TENM2: variants seen among roughly 807,000 people sequenced by gnomAD.
TENM2 encodes teneurin transmembrane protein 2.
In TENM2, 52 loss-of-function variants were observed where a neutral mutation model predicts 245.2. That is an observed-to-expected ratio of 0.21 (90% confidence interval 0.17 to 0.27). The LOEUF is 0.27. TENM2 is among the 10% of genes least tolerant of loss of function. The pLI is 1.00. For missense variants in TENM2, 3,046 were observed against 3,666.8 expected, an observed-to-expected ratio of 0.83 and a Z score of 4.37; for synonymous variants, 1,363 against 1,438.9, an observed-to-expected ratio of 0.95 and a Z score of 1.19.
chr5:167,850,400 G>A (rs1332575330), intron 2 of TENM2, among the ~76,000 whole-genome samples: 1 of 152,118 alleles, frequency 6.6e-6, no homozygotes, highest in African/African-American at 2.4e-5. Flanking sequence ...GTGAGGCTGT[G>A]GCAGAGTGGA....
the TENM2 span, among the ~76,000 whole-genome samples, chr5:167,169,970 G>A: frequency 6.6e-6 from 1 of 152,132 alleles, no homozygotes; most frequent in Non-Finnish European, 1.5e-5. Flanking sequence ...ACAGACAGAT[G>A]GCAGGATACC....
intron 13 of TENM2, among the ~76,000 whole-genome samples, chr5:168,180,870 C>G (rs2152490385): frequency 6.6e-6 from 1 of 151,898 alleles, no homozygotes; most frequent in African/African-American, 2.4e-5. Flanking sequence ...CCATTGCACT[C>G]CAGCCTAGGC....
intron 7 of TENM2, among the ~76,000 whole-genome samples, chr5:168,072,020 A>G (rs1791051604): frequency 6.6e-6 from 1 of 152,170 alleles, no homozygotes; most frequent in Non-Finnish European, 1.5e-5. Flanking sequence ...AGGGCTTGGG[A>G]AGTCATTTTG....
At chr5:168,172,401 AC>A (rs1322390040) in intron 13 of TENM2, among the ~76,000 whole-genome samples, 3 of 152,196 alleles carry the variant, frequency 2.0e-5, no homozygotes, top group African/African-American at 7.2e-5. Context: ...CTAAAACGTC[AC>A]CCACATTGCC....
At chr5:167,910,757 T>C (rs1413790942) in intron 3 of TENM2, among the ~76,000 whole-genome samples, 2 of 152,206 alleles carry the variant, frequency 1.3e-5, no homozygotes, top group Non-Finnish European at 2.9e-5. Context: ...CTAAATAGTG[T>C]CCTTCCACAG....
At chr5:168,032,508 T>C (rs1787233783) in intron 5 of TENM2, among the ~76,000 whole-genome samples, 1 of 152,098 alleles carries the variant, frequency 6.6e-6, no homozygotes, top group South Asian at 2.1e-4. Context: ...TAGATTTGAA[T>C]AGCTTTGAGA....
chr5:167,543,232 T>C (rs1248186961), intron 2 of TENM2, among the ~76,000 whole-genome samples: 1 of 152,278 alleles, frequency 6.6e-6, no homozygotes, highest in Admixed American at 6.5e-5. Flanking sequence ...CAAACGGTGG[T>C]ACCACATTCC....
At chr5:166,998,749 A>G in the TENM2 span, among the ~76,000 whole-genome samples, 2 of 152,208 alleles carry the variant, frequency 1.3e-5, no homozygotes, top group African/African-American at 4.8e-5. Flanking sequence ...ATGAACAGTT[A>G]GAGAAATGTG....
chr5:167,238,009 CAAA>C, the TENM2 span, among the ~76,000 whole-genome samples: 1 of 44,114 alleles, frequency 2.3e-5, no homozygotes. Context: ...GACTCTGTCT[CAAA>C]AAAAAAAAAA....
At chr5:167,199,177 A>G in the TENM2 span, among the ~76,000 whole-genome samples, 2 of 151,922 alleles carry the variant, frequency 1.3e-5, no homozygotes, top group South Asian at 2.1e-4. Context: ...GAGGAAAACT[A>G]AAACTATCTG....
intron 2 of TENM2, among the ~76,000 whole-genome samples, chr5:167,660,949 T>C (rs184620387): frequency 6.6e-6 from 1 of 152,288 alleles, no homozygotes; most frequent in East Asian, 1.9e-4. Flanking sequence ...ATTTTCAAAA[T>C]GTATGAAAAA....
intron 3 of TENM2, among the ~76,000 whole-genome samples, chr5:167,902,917 C>G (rs1045695507): frequency 7.2e-5 from 11 of 152,066 alleles, no homozygotes; most frequent in Non-Finnish European, 1.2e-4. Flanking sequence ...CTTTGACAGC[C>G]TAAGGAAAAG....
intron 6 of TENM2, among the ~76,000 whole-genome samples, chr5:168,058,799 C>A (rs1404630493): frequency 6.6e-6 from 1 of 151,986 alleles, no homozygotes; most frequent in Non-Finnish European, 1.5e-5. Context: ...TTTTTCATTC[C>A]ATGTAAGAAC....
At chr5:167,497,654 C>T (rs544709945) in intron 2 of TENM2, among the ~76,000 whole-genome samples, 1 of 152,198 alleles carries the variant, frequency 6.6e-6, no homozygotes, top group Admixed American at 6.6e-5. Flanking sequence ...TTGTGCCTTA[C>T]TCCTCTACCT....
At chr5:167,501,401 A>G (rs1415539267) in intron 2 of TENM2, among the ~76,000 whole-genome samples, 1 of 152,138 alleles carries the variant, frequency 6.6e-6, no homozygotes, top group Non-Finnish European at 1.5e-5. Context: ...CCAGCACCAT[A>G]TATATCAAGT....
chr5:167,938,938 G>A (rs1437371447), intron 3 of TENM2, among the ~76,000 whole-genome samples: 11 of 128,136 alleles, frequency 8.6e-5, no homozygotes, highest in Non-Finnish European at 1.4e-4. Context: ...GCAAGACTCC[G>A]TCTCAAAAAA....
At chr5:167,052,761 G>A in the TENM2 span, among the ~76,000 whole-genome samples, 1 of 150,780 alleles carries the variant, frequency 6.6e-6, no homozygotes, top group Non-Finnish European at 1.5e-5. Flanking sequence ...TAAGATATGA[G>A]TTTTCTTTTT....
chr5:166,988,592 T>G, the TENM2 span, among the ~76,000 whole-genome samples: 1 of 152,234 alleles, frequency 6.6e-6, no homozygotes, highest in Non-Finnish European at 1.5e-5. Flanking sequence ...TTCTCTCTTG[T>G]TAAGGTAAAG....
the TENM2 span, among the ~76,000 whole-genome samples, chr5:167,108,229 G>GCCTCCC: frequency 6.6e-6 from 1 of 152,270 alleles, no homozygotes; most frequent in Admixed American, 6.5e-5. Context: ...AGGTTCAAGT[G>GCCTCCC]ATTCTCATGC....
Sources: allele counts gnomAD v4.1 joint callset (sites outside exome capture counted in the v4.1 genomes callset), GRCh38; gene constraint gnomAD v4.1.1; transcripts MANE v1.5; gene names NCBI Gene and HGNC (gene_info 2026-07-23, HGNC 2026-07-21).